Variants in NECTIN1 observed in about 807,000 individuals in gnomAD.
NECTIN1 encodes the protein nectin-1.
In NECTIN1, 23 loss-of-function variants were observed where a neutral mutation model predicts 48.0. That is an observed-to-expected ratio of 0.48 (90% CI 0.34 to 0.68). NECTIN1 has a LOEUF of 0.68. Among genes scored for constraint, NECTIN1 ranks in the 30% least tolerant of loss-of-function variants. NECTIN1 has a pLI of 0.01. For synonymous variants in NECTIN1, 270 were observed against 288.9 expected (o/e 0.93, Z 0.66); for missense variants, 591 against 709.9 (o/e 0.83, Z 1.90).
Position 119,677,642 on chromosome 11 carries a change from T to C in NECTIN1, c.646A>G (p.Ser216Gly), listed in dbSNP as rs763644643. ...AAGGACTGCTGGTGGGCTTCCCTGCTGGGCACCAGGCGGTAGCGGCTGATG... is the reference window on the plus strand; with the variant it reads ...AAGGACTGCTGGTGGGCTTCCCTGCCGGGCACCAGGCGGTAGCGGCTGATG... ...TVISRYRLVP[S>G]REAHQQSLAC... Residue 216 changes from serine to glycine, a missense_variant, in exon 3 of 6, where the codon AGC (serine) becomes GGC (glycine). Physicochemically the swap from Ser to Gly is moderately conservative, Grantham distance 56. Transcript: ENST00000264025. The surrounding 1 kb of genome is among the most constrained non-coding windows in gnomAD (Gnocchi z 5.4). 8.2e-5 allele frequency: 133 copies of C among 1,613,862 alleles called. No individual in the cohort carries two copies. In the South Asian group the frequency reaches 1.4e-3, roughly 17 times the overall value.
intron 1 of NECTIN1, among the ~76,000 whole-genome samples, chr11:119,690,293 T>C (rs1034141412): frequency 6.6e-6 from 1 of 152,100 alleles, no homozygotes; most frequent in Non-Finnish European, 1.5e-5. Flanking sequence ...GTCTCCTGGC[T>C]CAGGGCTGTC....
At position 119,672,600 on chromosome 11, in the gene NECTIN1, G is replaced by A. The variant is rs1351141859; in HGVS notation, c.1003+2559C>T. 2.0e-5 allele frequency among the ~76,000 whole-genome samples: 3 copies of A among 152,154 alleles called. No individual in the cohort carries two copies. The highest frequency in any genetic ancestry group is 1.5e-5 in the Non-Finnish European group (1 of 68,026). On this transcript the variant is annotated intron_variant, in intron 5 of 5. Transcript: ENST00000264025. The surrounding 1 kb of genome is among the most constrained non-coding windows in gnomAD (Gnocchi z 4.3). ...GGCAGCTCCTAACGGGTGTGCCGGT[G>A]CCATCCACACAGCCCCCTGAATGCT...
In NECTIN1 at chr11:119,729,129, G is replaced by C. The variant is rs372461320; in HGVS notation, c.-576C>G. On this transcript the variant is annotated 5_prime_UTR_variant, in exon 1 of 6. Coordinates refer to ENST00000264025, the MANE Select transcript of NECTIN1 (RefSeq NM_002855.5). ...CGGGTCGGAGGCGCCGCGCGTCCCA[G>C]CCGCCGCCGCTCTGCCGGGTGCCGG... is the stretch of plus-strand genomic sequence containing the variant. The C allele has an allele frequency of 7.2e-5, 11 of 151,824 alleles. No individual in the cohort carries two copies. Among genetic ancestry groups the C allele is most frequent in the East Asian group, 3.9e-4 (2 of 5,162 alleles). 9.4% of individuals were successfully genotyped at this position (151,824 alleles called of 1,614,324 possible). A position where few individuals can be genotyped will look rare whatever the true frequency, so the allele number is the denominator to read the frequency against.
chr11:119,642,598 G>GAAA (rs1864343098), intron 5 of NECTIN1: 2 of 153,630 alleles, frequency 1.3e-5, no homozygotes, highest in Admixed American at 6.5e-5. Context: ...GTCTCTATAA[G>GAAA]GGCCCTTTCA....
chr11:119,647,158 CGCATGTGTGTGTGTGT>C (rs1162902091), intron 5 of NECTIN1, among the ~76,000 whole-genome samples: 33 of 91,754 alleles, frequency 3.6e-4, no homozygotes, highest in African/African-American at 1.4e-3. Context: ...GAGCTTGCGG[CGCATGTGTGTGTGTGT>C]GTGTGTGTGT....
chr11:119,677,364 C>T lies in NECTIN1; in HGVS notation c.734-145G>A. On this transcript the variant is annotated intron_variant, in intron 3 of 5. Transcript: ENST00000264025. The surrounding 1 kb of genome is among the most constrained non-coding windows in gnomAD (Gnocchi z 5.4). ...AGTGTGGGTGGGAGGGTGGCAATCA[C>T]AGAGCCCGGGAGTGGAAACAGGAGG... The T allele has an allele frequency of 9.7e-7, 1 of 1,026,590 alleles. No homozygotes were observed. Among genetic ancestry groups the T allele is most frequent in the Non-Finnish European group, 1.5e-6 (1 of 662,474 alleles). 63.6% of individuals were successfully genotyped at this position (1,026,590 alleles called of 1,614,324 possible). A position where few individuals can be genotyped will look rare whatever the true frequency, so the allele number is the denominator to read the frequency against.
intron 5 of NECTIN1, among the ~76,000 whole-genome samples, chr11:119,667,014 A>G (rs1864782968): frequency 6.6e-6 from 1 of 152,068 alleles, no homozygotes; most frequent in South Asian, 2.1e-4. Flanking sequence ...ACTGCCATGG[A>G]GGACCCCGCT....
chr11:119,646,404 A>G (rs1252503841), intron 5 of NECTIN1, among the ~76,000 whole-genome samples: 1 of 152,198 alleles, frequency 6.6e-6, no homozygotes, highest in East Asian at 1.9e-4. Context: ...ACAGAAATGG[A>G]TGAAGTTGCT....
In NECTIN1 at chr11:119,674,515, G is replaced by T. The variant is rs184300365; in HGVS notation, c.1003+644C>A. On this transcript the variant is annotated intron_variant, in intron 5 of 5. Coordinates refer to ENST00000264025, the MANE Select transcript of NECTIN1 (RefSeq NM_002855.5). ...ATACTGTCCCCGTTTTACAGATGGT[G>T]GGGGGGGCCCTGTCCAGGGTCACAG... is the stretch of plus-strand genomic sequence containing the variant. The T allele has an allele frequency of 4.3e-5, 67 of 1,540,458 alleles. 1 individual carries two copies. In the Middle Eastern group the frequency reaches 5.1e-4, roughly 12 times the overall value.
At position 119,677,924 on chromosome 11, in the gene NECTIN1, G is replaced by A. The variant is rs1246508458; in HGVS notation, c.431-67C>T. The A allele has an allele frequency of 6.5e-7, 1 of 1,528,170 alleles. No homozygotes were observed. Among genetic ancestry groups the A allele is most frequent in the Admixed American group, 1.7e-5 (1 of 59,348 alleles). The allele number at this position is 1,528,170 out of a possible 1,614,324, so 94.7% of individuals were successfully genotyped here. A position where few individuals can be genotyped will look rare whatever the true frequency, so the allele number is the denominator to read the frequency against. On this transcript the variant is annotated intron_variant, in intron 2 of 5. Coordinates refer to ENST00000264025, the MANE Select transcript of NECTIN1 (RefSeq NM_002855.5). This position sits in a 1 kb window ranked among gnomAD's most constrained non-coding sequence, Gnocchi z 5.4. ...CTTGTCCAAGATGCACCGGCCAAAAGGGCGTGGCATCCGTCAGGCCTTGTC... is the reference window on the plus strand; with the variant it reads ...CTTGTCCAAGATGCACCGGCCAAAAAGGCGTGGCATCCGTCAGGCCTTGTC...
intron 1 of NECTIN1, among the ~76,000 whole-genome samples, chr11:119,696,171 G>T (rs1465685157): frequency 1.3e-5 from 2 of 152,116 alleles, no homozygotes; most frequent in Non-Finnish European, 2.9e-5. Flanking sequence ...TGAACTCCTG[G>T]CCTAAAGTGA....
At chr11:119,681,412 G>A (rs996086699) in intron 1 of NECTIN1, among the ~76,000 whole-genome samples, 3 of 152,192 alleles carry the variant, frequency 2.0e-5, no homozygotes, top group African/African-American at 4.8e-5. Context: ...GACCTGCAAC[G>A]GGACACGGCC....
At position 119,673,066 on chromosome 11, in the gene NECTIN1, A is replaced by G. The variant is rs1357282588; in HGVS notation, c.1003+2093T>C. Among the ~76,000 whole-genome samples, 1 of 152,178 alleles carries G rather than the reference A, an allele frequency of 6.6e-6. No homozygotes were observed. Among genetic ancestry groups the G allele is most frequent in the African/African-American group, 2.4e-5 (1 of 41,448 alleles). On this transcript the variant is annotated intron_variant, in intron 5 of 5. Transcript: ENST00000264025. The surrounding 1 kb of genome is among the most constrained non-coding windows in gnomAD (Gnocchi z 5.8). ...AAATTTCCACTTATCCCTCTCGCTCATGCATTCCCTCTGGACCAGTGGGGC... is the reference window on the plus strand; with the variant it reads ...AAATTTCCACTTATCCCTCTCGCTCGTGCATTCCCTCTGGACCAGTGGGGC...
intron 1 of NECTIN1, among the ~76,000 whole-genome samples, chr11:119,701,061 G>C (rs559439605): frequency 6.6e-6 from 1 of 152,158 alleles, no homozygotes; most frequent in Non-Finnish European, 1.5e-5. Context: ...CTCAGGAGGG[G>C]AGGCTGGGGA....
chr11:119,680,438 AG>A, intron 1 of NECTIN1, among the ~76,000 whole-genome samples: 1 of 152,240 alleles, frequency 6.6e-6, no homozygotes, highest in Middle Eastern at 3.4e-3. Context: ...CCCCCAAGGG[AG>A]TCTGGGATCC....
chr11:119,687,888 CG>C (rs552004300), intron 1 of NECTIN1, among the ~76,000 whole-genome samples: 8 of 151,906 alleles, frequency 5.3e-5, no homozygotes, highest in African/African-American at 1.9e-4. Flanking sequence ...CTCGGATGGC[CG>C]GGGGGGTGAG....
intron 1 of NECTIN1, among the ~76,000 whole-genome samples, chr11:119,719,795 AG>A (rs1176908439): frequency 6.6e-6 from 1 of 152,206 alleles, no homozygotes; most frequent in Non-Finnish European, 1.5e-5. Context: ...ACTGGATAGC[AG>A]GATGGAGAGT....
chr11:119,670,890 C>T (rs1284324150), intron 5 of NECTIN1, among the ~76,000 whole-genome samples: 1 of 151,954 alleles, frequency 6.6e-6, no homozygotes, highest in South Asian at 2.1e-4. Flanking sequence ...CTGCCCACCT[C>T]GGCCTCCCAA....
Position 119,662,578 on chromosome 11 carries a change from CAGG to C in NECTIN1, c.*2166_*2168del, listed in dbSNP as rs1466667032. 3 of 985,516 alleles carry C rather than the reference CAGG, an allele frequency of 3.0e-6. No individual in the cohort carries two copies. The highest frequency in any genetic ancestry group is 2.3e-4 in the East Asian group (2 of 8,794). 61.0% of individuals were successfully genotyped at this position (985,516 alleles called of 1,614,324 possible). On this transcript the variant is annotated 3_prime_UTR_variant, in exon 6 of 6. Transcript: ENST00000264025. The surrounding 1 kb of genome is among the most constrained non-coding windows in gnomAD (Gnocchi z 5.3). ...GTGGCAGTGCAGGATAAAGGAGATGCAGGAGGAGACAGGGACAGGAAATGCCTC... is the reference window on the plus strand; with the variant it reads ...GTGGCAGTGCAGGATAAAGGAGATGCAGGAGACAGGGACAGGAAATGCCTC...
Sources: gnomAD v4.1 joint callset for allele counts (sites outside exome capture counted in the v4.1 genomes callset) on GRCh38, gnomAD v4.1.1 for gene constraint, Gnocchi (gnomAD v3.1) non-coding constraint, MANE v1.5 for transcripts, NCBI Gene and HGNC (gene_info 2026-07-23, HGNC 2026-07-21) for gene names.